The following RPTOR variants were observed in gnomAD, a reference collection of about 807,000 sequenced individuals.
RPTOR encodes the protein regulatory associated protein of MTOR complex 1.
In RPTOR, 21 loss-of-function variants were observed where a neutral mutation model predicts 169.9. The ratio of observed to expected loss-of-function variants is 0.12; its 90% CI spans 0.09 to 0.18. The LOEUF is 0.18. Ranked by LOEUF, RPTOR falls within the 10% of genes least tolerant of loss-of-function variation. RPTOR has a pLI of 1.00. For missense variants in RPTOR, 1,133 were observed against 1,855.9 expected (o/e 0.61, Z 7.16); for synonymous variants, 732 against 753.2 (o/e 0.97, Z 0.46).
At chr17:80,894,006 T>C in intron 20 of RPTOR, 141 bp downstream of exon 20, 1 of 880,872 alleles carries the variant, frequency 1.1e-6, no homozygotes, top group South Asian at 2.5e-5. Flanking sequence ...TCAACAGGAC[T>C]GCGAGGCAGG....
At chr17:80,942,688 G>A (rs765644767) in intron 25 of RPTOR, among the ~76,000 whole-genome samples, 1 of 152,188 alleles carries the variant, frequency 6.6e-6, no homozygotes, top group African/African-American at 2.4e-5. Context: ...AGAAAAAGGA[G>A]GAATTGATGC....
At chr17:80,693,854 G>A (rs1304548858) in intron 3 of RPTOR, among the ~76,000 whole-genome samples, 2 of 152,190 alleles carry the variant, frequency 1.3e-5, no homozygotes, top group African/African-American at 2.4e-5. Flanking sequence ...CTGGAACAGG[G>A]TCCCTGAAAC....
At chr17:80,791,171 G>C (rs148761197) in intron 6 of RPTOR, among the ~76,000 whole-genome samples, 462 of 152,244 alleles carry the variant, frequency 3.0e-3, no homozygotes, top group African/African-American at 0.01. Context: ...GCATCTCGGC[G>C]CTCCTCTCCA....
chr17:80,887,679 T>TA (rs967992467), intron 17 of RPTOR, among the ~76,000 whole-genome samples: 4 of 152,124 alleles, frequency 2.6e-5, no homozygotes, highest in African/African-American at 9.7e-5. Context: ...AGGAGGGTGT[T>TA]ACTGCTGCTT....
Position 80,874,205 on chromosome 17 carries a change from CT to C in RPTOR, c.1510-6197del, listed in dbSNP as rs34199351. 6.9e-3 allele frequency among the ~76,000 whole-genome samples: 992 copies of C among 144,298 alleles called. 6 individuals carry two copies. The highest frequency in any genetic ancestry group is 0.021 in the East Asian group (103 of 4,972). The allele number at this position is 144,298 out of a possible 152,430, so 94.7% of individuals were successfully genotyped here. On this transcript the variant is annotated intron_variant, in intron 13 of 33. Transcript: ENST00000306801. The stretch of plus-strand genomic sequence containing the variant: ...GTCTGGCCTGAGAATAACTAAAGGG[CT>C]TTTTTTTTTTTTAGACAGTCTTGCT...
intron 7 of RPTOR, among the ~76,000 whole-genome samples, chr17:80,797,627 G>A (rs763792096): frequency 5.9e-5 from 9 of 152,246 alleles, no homozygotes; most frequent in Non-Finnish European, 1.2e-4. Flanking sequence ...CAGTTACAAA[G>A]TGAGGCAGAA....
At chr17:80,756,855 A>T (rs1447871730) in intron 6 of RPTOR, among the ~76,000 whole-genome samples, 1 of 152,224 alleles carries the variant, frequency 6.6e-6, no homozygotes. Context: ...ATACAAAAAA[A>T]ATTTGTTATA....
At chr17:80,616,788 G>A (rs72858219) in intron 1 of RPTOR, among the ~76,000 whole-genome samples, 23,056 of 152,068 alleles carry the variant, frequency 0.15, 2,220 homozygotes, top group Middle Eastern at 0.23. Context: ...AGAGCCCTTT[G>A]CTATACTTAC....
intron 12 of RPTOR, among the ~76,000 whole-genome samples, chr17:80,855,892 C>T (rs1220609788): frequency 6.6e-6 from 1 of 152,196 alleles, no homozygotes; most frequent in African/African-American, 2.4e-5. Flanking sequence ...CCTGACGCAG[C>T]ACCCACCTCG....
rs1284124357 is a variant in RPTOR at position 80,633,630 on chromosome 17, C to T, written c.265+7837C>T. 6.6e-6 allele frequency among the ~76,000 whole-genome samples: 1 copy of T among 152,228 alleles called. No homozygotes were observed. The highest frequency in any genetic ancestry group is 1.5e-5 in the Non-Finnish European group (1 of 68,044). ...ATTACTGGTCATGCAGATCTTCTCACCTGATTCAGCTGGCGCCTGCTGGAC... is the reference window on the plus strand; with the variant it reads ...ATTACTGGTCATGCAGATCTTCTCATCTGATTCAGCTGGCGCCTGCTGGAC... On this transcript the variant is annotated intron_variant, in intron 2 of 33. Transcript: ENST00000306801. This position sits in a 1 kb window ranked among gnomAD's most constrained non-coding sequence, Gnocchi z 4.1.
chr17:80,577,256 C>G (rs1262583038), intron 1 of RPTOR, among the ~76,000 whole-genome samples: 1 of 152,048 alleles, frequency 6.6e-6, no homozygotes, highest in South Asian at 2.1e-4. Flanking sequence ...TCTTGAACTC[C>G]TGACCTCAGG....
intron 1 of RPTOR, among the ~76,000 whole-genome samples, chr17:80,594,730 G>A (rs1416391244): frequency 1.3e-5 from 2 of 152,142 alleles, no homozygotes; most frequent in African/African-American, 2.4e-5. Context: ...ATCCATCACC[G>A]GGTGGCTCTT....
chr17:80,697,574 C>T (rs2066047691), intron 3 of RPTOR, among the ~76,000 whole-genome samples: 2 of 152,158 alleles, frequency 1.3e-5, no homozygotes, highest in South Asian at 2.1e-4. Flanking sequence ...GTGCAGGTGG[C>T]GGCGTGATAG....
intron 2 of RPTOR, among the ~76,000 whole-genome samples, chr17:80,642,538 A>G (rs937545247): frequency 8.5e-5 from 13 of 152,214 alleles, no homozygotes; most frequent in East Asian, 1.9e-4. Flanking sequence ...GTATAGTTCA[A>G]TGAGCTGATA....
At chr17:80,639,202 C>T (rs1259601939) in intron 2 of RPTOR, among the ~76,000 whole-genome samples, 3 of 151,456 alleles carry the variant, frequency 2.0e-5, no homozygotes, top group Non-Finnish European at 2.9e-5. Flanking sequence ...TTTAAGGCTA[C>T]ACAACTAATG....
At chr17:80,763,132 G>A (rs1242794695) in intron 6 of RPTOR, among the ~76,000 whole-genome samples, 3 of 152,146 alleles carry the variant, frequency 2.0e-5, no homozygotes, top group Admixed American at 6.5e-5. Context: ...TGTGGTCTCA[G>A]TTCCTCGGGA....
chr17:80,630,793 C>T lies in RPTOR; in HGVS notation c.265+5000C>T, dbSNP rs56755175. ...GGGGGTTTTCCCAGGGCTCCTGCTCCACCCCTAGCCTGAGCTGTGCCTGCC... is the reference window on the plus strand; with the variant it reads ...GGGGGTTTTCCCAGGGCTCCTGCTCTACCCCTAGCCTGAGCTGTGCCTGCC... On this transcript the variant is annotated intron_variant, in intron 2 of 33. Transcript: ENST00000306801. 2.2e-3 allele frequency among the ~76,000 whole-genome samples: 332 copies of T among 152,344 alleles called. 4 individuals are homozygous for T. Among genetic ancestry groups the T allele is most frequent in the African/African-American group, 7.5e-3 (311 of 41,566 alleles).
intron 6 of RPTOR, among the ~76,000 whole-genome samples, chr17:80,779,661 G>A (rs2066921833): frequency 6.6e-6 from 1 of 152,142 alleles, no homozygotes. Context: ...GCGCATGTCT[G>A]GAGGCTGCTG....
chr17:80,567,096 G>A (rs893098409), intron 1 of RPTOR, among the ~76,000 whole-genome samples: 5 of 151,272 alleles, frequency 3.3e-5, no homozygotes, highest in African/African-American at 1.2e-4. Flanking sequence ...TCAGCCTCTC[G>A]AGTAGCTGGG....
Sources: allele counts gnomAD v4.1 joint callset (sites outside exome capture counted in the v4.1 genomes callset), GRCh38; gene constraint gnomAD v4.1.1; non-coding constraint Gnocchi (gnomAD v3.1); transcripts MANE v1.5; gene names NCBI Gene and HGNC (gene_info 2026-07-23, HGNC 2026-07-21).